MYH14: variants seen among roughly 807,000 people sequenced by gnomAD.
MYH14 encodes myosin heavy chain 14, also known as myosin-14.
Under a neutral mutation model 255.5 loss-of-function variants are expected in MYH14, and 123 were observed. The observed-to-expected ratio is 0.48, with a 90% CI of 0.42 to 0.56. MYH14 has a LOEUF of 0.56. Among genes scored for constraint, MYH14 ranks in the 20% least tolerant of loss-of-function variants. The probability of loss-of-function intolerance (pLI) is 0.00; values close to 1 mark genes in which losing one functional copy is unlikely to be tolerated. For missense variants in MYH14, 2,423 were observed against 2,802.3 expected, an observed-to-expected ratio of 0.86 and a Z score of 3.06; for synonymous variants, 1,095 against 1,161.2, an observed-to-expected ratio of 0.94 and a Z score of 1.16.
At chr19:50,273,393 CT>C (rs1306554115) in intron 27 of MYH14, among the ~76,000 whole-genome samples, 1 of 151,798 alleles carries the variant, frequency 6.6e-6, no homozygotes, top group Non-Finnish European at 1.5e-5. Flanking sequence ...GCCAAGTGGC[CT>C]ATGTTAGGAA....
chr19:50,290,393 G>C (rs978596834), intron 35 of MYH14, among the ~76,000 whole-genome samples: 1 of 152,178 alleles, frequency 6.6e-6, no homozygotes, highest in African/African-American at 2.4e-5. Flanking sequence ...CCCTCTACTA[G>C]GTGGTGAGGG....
intron 11 of MYH14, among the ~76,000 whole-genome samples, chr19:50,246,450 G>A (rs1027210566): frequency 2.0e-5 from 3 of 152,040 alleles, no homozygotes; most frequent in Non-Finnish European, 2.9e-5. Context: ...CCCGCCTCCA[G>A]TGTAGCTTTT....
At chr19:50,251,696 G>A (rs616977) in intron 15 of MYH14, among the ~76,000 whole-genome samples, 1 of 151,868 alleles carries the variant, frequency 6.6e-6, no homozygotes, top group Non-Finnish European at 1.5e-5. Flanking sequence ...TTCTGCCTCA[G>A]CCTCCCCAGT....
Position 50,249,587 on chromosome 19 carries a change from C to T in MYH14, c.1483-63C>T, listed in dbSNP as rs187575429. 30 of 1,603,802 alleles carry T rather than the reference C, an allele frequency of 1.9e-5. No individual in the cohort carries two copies. In the African/African-American group the frequency reaches 2.1e-4, roughly 11 times the overall value. ...CTGTCCCCTGTCTCTGGGTCTCTGT[C>T]CCCTGTCTCTGGGTCTCTGTCCCTC... On this transcript the variant is annotated intron_variant, in intron 13 of 42. Coordinates refer to ENST00000642316, the MANE Select transcript of MYH14 (RefSeq NM_001145809.2).
chr19:50,233,809 T>A (rs897745649), intron 10 of MYH14, among the ~76,000 whole-genome samples: 1 of 51,990 alleles, frequency 1.9e-5, no homozygotes, highest in African/African-American at 7.3e-5. Context: ...CCCTCCCCCC[T>A]CCCCCCGACC....
chr19:50,308,151 T>TTTAAATTGA (rs1445523141), intron 41 of MYH14, among the ~76,000 whole-genome samples: 1 of 152,194 alleles, frequency 6.6e-6, no homozygotes, highest in Non-Finnish European at 1.5e-5. Context: ...GAAGGTGACA[T>TTTAAATTGA]TTAAATTGAT....
intron 10 of MYH14, among the ~76,000 whole-genome samples, chr19:50,232,331 C>A (rs1432341361): frequency 6.6e-6 from 1 of 152,188 alleles, no homozygotes; most frequent in Non-Finnish European, 1.5e-5. Context: ...GTGGCTCATG[C>A]CTGTAATCCC....
In MYH14 at chr19:50,280,086, C is replaced by A; in HGVS notation, c.4082C>A (p.Thr1361Asn). The change falls in exon 31 of 43, where the codon ACC (threonine) becomes AAC (asparagine). Residue 1361 changes from threonine to asparagine, a missense_variant. By Grantham distance (65) the Thr-to-Asn change is moderately conservative. Around this residue, in one of 3 missense-constraint regions of MYH14, gnomAD observed 1,513 missense variants for 1,674.8 expected, o/e 0.90. Transcript: ENST00000642316. The surrounding 1 kb of genome is among the most constrained non-coding windows in gnomAD (Gnocchi z 4.8). ...GCGCTGAACGAGGCTGAGTCCAAAA[C>A]CATCCGTCTTAGCAAGGAGCTGAGC... is the stretch of plus-strand genomic sequence containing the variant. ...SGALNEAESK[T>N]IRLSKELSST... The A allele has an allele frequency of 1.2e-6, 2 of 1,611,168 alleles. No individual in the cohort carries two copies. The highest frequency in any genetic ancestry group is 1.7e-6 in the Non-Finnish European group (2 of 1,178,764).
intron 24 of MYH14, among the ~76,000 whole-genome samples, 166 bp from the exon 25 acceptor site, chr19:50,271,243 G>T (rs753699758): frequency 2.0e-5 from 3 of 152,120 alleles, no homozygotes; most frequent in Admixed American, 2.0e-4. Flanking sequence ...GAATGAAATG[G>T]GAAAGCCAAT....
chr19:50,262,592 C>G (rs2034924909), intron 21 of MYH14, among the ~76,000 whole-genome samples: 1 of 150,834 alleles, frequency 6.6e-6, no homozygotes, highest in Non-Finnish European at 1.5e-5. Context: ...GGCCCAAACA[C>G]CAGGCTGAGT....
intron 1 of MYH14, among the ~76,000 whole-genome samples, chr19:50,207,216 C>T (rs1019781495): frequency 5.0e-5 from 6 of 119,400 alleles, no homozygotes; most frequent in African/African-American, 1.6e-4. Context: ...GGCAATAGAG[C>T]GAGACCTATC....
intron 10 of MYH14, among the ~76,000 whole-genome samples, chr19:50,235,141 T>C (rs1281416042): frequency 6.6e-6 from 1 of 151,892 alleles, no homozygotes; most frequent in African/African-American, 2.4e-5. Flanking sequence ...GGAGGCCGAC[T>C]GAGGTCAGGA....
chr19:50,226,839 T>G, intron 7 of MYH14, 64 bp from the exon 8 acceptor site: 1 of 1,518,980 alleles, frequency 6.6e-7, no homozygotes, highest in Non-Finnish European at 9.1e-7. Flanking sequence ...GTTTGGGCTG[T>G]TGTTCACGTG....
rs1328660746 is a variant in MYH14, at chr19:50,230,648, G to A, written c.973+25G>A. The stretch of plus-strand genomic sequence containing the variant: ...GGTCAGTGCCGCCCCGTCCTACCCT[G>A]CTCACCCGGGAGAGGGTGGGCACCA... On this transcript the variant is annotated intron_variant, in intron 9 of 42. Transcript: ENST00000642316. This position sits in a 1 kb window ranked among gnomAD's most constrained non-coding sequence, Gnocchi z 4.7. 23 of 1,545,240 alleles carry A rather than the reference G, an allele frequency of 1.5e-5. No individual in the cohort carries two copies. The highest frequency in any genetic ancestry group is 1.9e-5 in the Non-Finnish European group (22 of 1,141,666).
intron 1 of MYH14, among the ~76,000 whole-genome samples, chr19:50,207,265 G>C (rs1372397512): frequency 2.5e-5 from 3 of 119,492 alleles, no homozygotes; most frequent in East Asian, 4.1e-4. Context: ...GAAAGAGAGA[G>C]AGAGACAGAG....
At chr19:50,207,312 A>AGAGAGAGAGG (rs1438345270) in intron 1 of MYH14, among the ~76,000 whole-genome samples, 3 of 148,248 alleles carry the variant, frequency 2.0e-5, no homozygotes, top group Admixed American at 6.7e-5. Flanking sequence ...AGAGAGAGAG[A>AGAGAGAGAGG]GACTAGGGGC....
Position 50,293,770 on chromosome 19 carries a change from T to G in MYH14, c.5469+83T>G. On this transcript the variant is annotated intron_variant, in intron 39 of 42. Transcript: ENST00000642316. This position sits in a 1 kb window ranked among gnomAD's most constrained non-coding sequence, Gnocchi z 4.1. ...CTTCAGTCCTCTTATTCAACAAATA[T>G]AGAAAGGGGATATTTGAGTTGGGTT... 1 of 1,416,088 alleles carries G rather than the reference T, an allele frequency of 7.1e-7. No homozygotes were observed. The highest frequency in any genetic ancestry group is 9.5e-7 in the Non-Finnish European group (1 of 1,057,098). 87.7% of individuals were successfully genotyped at this position (1,416,088 alleles called of 1,614,324 possible).
At position 50,309,267 on chromosome 19, in the gene MYH14, CAG is replaced by C. The variant is rs143475625; in HGVS notation, c.5960+91_5960+92del. The C allele has an allele frequency of 1.3e-3, 1,700 of 1,319,350 alleles. 17 individuals are homozygous for C. In the African/African-American group the frequency reaches 0.02, roughly 15 times the overall value. 81.7% of individuals were successfully genotyped at this position (1,319,350 alleles called of 1,614,324 possible). A position where few individuals can be genotyped will look rare whatever the true frequency, so the allele number is the denominator to read the frequency against. ...CGCGAGGCCGTGCCAGGGGCAACAACAGGGGGAAATGGGATCCACGGGGGTGT... is the reference window on the plus strand; with the variant it reads ...CGCGAGGCCGTGCCAGGGGCAACAACGGGGAAATGGGATCCACGGGGGTGT... On this transcript the variant is annotated intron_variant, in intron 42 of 42. Coordinates refer to ENST00000642316, the MANE Select transcript of MYH14 (RefSeq NM_001145809.2).
chr19:50,230,785 C>T lies in MYH14; in HGVS notation c.973+162C>T, dbSNP rs1568480020. 7 of 631,576 alleles carry T rather than the reference C, an allele frequency of 1.1e-5. No individual in the cohort carries two copies. The highest frequency in any genetic ancestry group is 7.4e-5 in the South Asian group (4 of 53,748). The allele number at this position is 631,576 out of a possible 1,614,324, so 39.1% of individuals were successfully genotyped here. On this transcript the variant is annotated intron_variant, in intron 9 of 42. Transcript: ENST00000642316. The surrounding 1 kb of genome is among the most constrained non-coding windows in gnomAD (Gnocchi z 4.7). The stretch of plus-strand genomic sequence containing the variant: ...AGCCCCTGCTCTCGCTGCGTAGTGG[C>T]GTCTGTCGCACGGTGGGTTCTGCTG...
Sources: gnomAD v4.1 joint callset for allele counts (sites outside exome capture counted in the v4.1 genomes callset) on GRCh38, gnomAD v4.1.1 for gene constraint, gnomAD v4.1.1 regional missense constraint, Gnocchi (gnomAD v3.1) non-coding constraint, MANE v1.5 for transcripts, NCBI Gene and HGNC (gene_info 2026-07-23, HGNC 2026-07-21) for gene names.